Variants in FMN2 observed in about 807,000 individuals in gnomAD.
FMN2 encodes formin 2.
FMN2 carries 51 observed loss-of-function variants against 142.3 expected under a neutral mutation model. The observed-to-expected ratio is 0.36, with a 90% CI of 0.29 to 0.45. FMN2 has a LOEUF of 0.45. Ranked by LOEUF, FMN2 falls within the 20% of genes least tolerant of loss-of-function variation. The pLI, the probability that FMN2 is intolerant of heterozygous loss-of-function variation, is 1.00. For synonymous variants in FMN2, 882 were observed against 869.8 expected (o/e 1.01, Z -0.25); for missense variants, 1,936 against 2,122.8 (o/e 0.91, Z 1.73).
At chr1:240,137,956 C>T (rs368778179) in intron 2 of FMN2, among the ~76,000 whole-genome samples, 12 of 148,726 alleles carry the variant, frequency 8.1e-5, no homozygotes, top group East Asian at 2.0e-4. Flanking sequence ...CGGGTGCAGT[C>T]GTGTGCGCTG....
chr1:240,097,944 T>C (rs954606718), intron 1 of FMN2, among the ~76,000 whole-genome samples: 11 of 152,112 alleles, frequency 7.2e-5, no homozygotes, highest in African/African-American at 2.4e-4. Flanking sequence ...ATCCAGGATA[T>C]GTCCTTAGAA....
intron 16 of FMN2, chr1:240,457,513 A>AGG (rs1186695556): frequency 6.6e-6 from 1 of 152,240 alleles, no homozygotes; most frequent in Non-Finnish European, 1.5e-5. Context: ...ACATTATAGA[A>AGG]GGGAGGTCCA....
intron 2 of FMN2, among the ~76,000 whole-genome samples, chr1:240,154,321 G>A (rs12039367): frequency 0.094 from 14,287 of 152,036 alleles, 869 homozygotes; most frequent in African/African-American, 0.17. Context: ...ATAAACACCC[G>A]TGTAAGTGGA....
rs1199922424 is a variant in FMN2 at position 240,293,190 on chromosome 1, T to C, written c.4154-1632T>C. Among the ~76,000 whole-genome samples, 4 of 152,248 alleles carry C rather than the reference T, an allele frequency of 2.6e-5. No homozygotes were observed. The East Asian group carries it at 7.7e-4, about 29-fold the overall frequency. On this transcript the variant is annotated intron_variant, in intron 7 of 17. Transcript: ENST00000319653. Reference sequence around the variant, plus strand: ...ATGTGGGGAAAACTTGTGGGTATAATAGTATGGTTTAAAATGATGGATAAA... The same window carrying C: ...ATGTGGGGAAAACTTGTGGGTATAACAGTATGGTTTAAAATGATGGATAAA...
chr1:240,357,809 C>G (rs1672325061), intron 14 of FMN2, among the ~76,000 whole-genome samples: 2 of 152,122 alleles, frequency 1.3e-5, no homozygotes, highest in South Asian at 4.1e-4. Context: ...GGTTTTCACT[C>G]TGTTGGCCAG....
chr1:240,449,386 T>C (rs1046625552), intron 16 of FMN2, among the ~76,000 whole-genome samples: 2 of 152,148 alleles, frequency 1.3e-5, no homozygotes, highest in Admixed American at 6.5e-5. Flanking sequence ...CCATACAAGG[T>C]TGGCCTTAGA....
At chr1:240,329,593 C>G (rs1671310991) in intron 10 of FMN2, 125 bp downstream of exon 10, 1 of 1,265,300 alleles carries the variant, frequency 7.9e-7, no homozygotes, top group African/African-American at 1.5e-5. Context: ...GATCGCAGTC[C>G]CACAGAAGGG....
intron 16 of FMN2, among the ~76,000 whole-genome samples, chr1:240,447,936 C>A (rs1256719322): frequency 6.6e-6 from 1 of 152,204 alleles, no homozygotes; most frequent in Non-Finnish European, 1.5e-5. Flanking sequence ...ATTAGAGTTG[C>A]ATCAGAGTTC....
At chr1:240,139,832 A>T (rs1663103889) in intron 2 of FMN2, among the ~76,000 whole-genome samples, 1 of 152,090 alleles carries the variant, frequency 6.6e-6, no homozygotes, top group South Asian at 2.1e-4. Flanking sequence ...AGGTAGATGT[A>T]TCGGAAGGTT....
chr1:240,123,924 TTGTCCTGTTTGTGGCTG>T (rs1276130935), intron 2 of FMN2, among the ~76,000 whole-genome samples: 1 of 152,254 alleles, frequency 6.6e-6, no homozygotes, highest in Non-Finnish European at 1.5e-5. Context: ...TATACAGTAT[TTGTCCTGTTTGTGGCTG>T]ACTTATTTCA....
intron 8 of FMN2, among the ~76,000 whole-genome samples, chr1:240,322,747 G>A (rs1671017184): frequency 6.6e-6 from 1 of 152,156 alleles, no homozygotes; most frequent in African/African-American, 2.4e-5. Context: ...AAGCACTGTT[G>A]TTCCGTGTCA....
At chr1:240,174,628 A>G (rs2103317318) in intron 2 of FMN2, among the ~76,000 whole-genome samples, 1 of 152,222 alleles carries the variant, frequency 6.6e-6, no homozygotes, top group South Asian at 2.1e-4. Context: ...TGCCTCCCAA[A>G]GTGCTGGGAT....
intron 8 of FMN2, among the ~76,000 whole-genome samples, chr1:240,320,553 T>C (rs75878961): frequency 1.3e-5 from 2 of 152,060 alleles, no homozygotes; most frequent in Non-Finnish European, 2.9e-5. Flanking sequence ...AGAGGAAATG[T>C]TTTGTTTAGT....
chr1:240,264,215 G>A (rs1024103019), intron 7 of FMN2, among the ~76,000 whole-genome samples: 3 of 152,030 alleles, frequency 2.0e-5, no homozygotes, highest in Non-Finnish European at 2.9e-5. Flanking sequence ...ATCATGTCAT[G>A]TTGCTGCTGT....
At chr1:240,251,343 A>G (rs1668273467) in intron 6 of FMN2, among the ~76,000 whole-genome samples, 1 of 152,018 alleles carries the variant, frequency 6.6e-6, no homozygotes, top group Non-Finnish European at 1.5e-5. Context: ...GTAGTCATTG[A>G]GGAGCAGGTT....
chr1:240,094,855 T>C (rs1208306527), intron 1 of FMN2, among the ~76,000 whole-genome samples: 2 of 152,202 alleles, frequency 1.3e-5, no homozygotes, highest in East Asian at 3.8e-4. Flanking sequence ...GACAGCGACT[T>C]CTTAGTTGAC....
chr1:240,209,553 C>T (rs1666601607), intron 5 of FMN2, among the ~76,000 whole-genome samples: 3 of 150,942 alleles, frequency 2.0e-5, no homozygotes, highest in Non-Finnish European at 4.4e-5. Flanking sequence ...CGGGCACGGC[C>T]GCAAATCAAA....
intron 6 of FMN2, among the ~76,000 whole-genome samples, chr1:240,227,469 C>T (rs1667351148): frequency 6.6e-6 from 1 of 151,920 alleles, no homozygotes; most frequent in Non-Finnish European, 1.5e-5. Flanking sequence ...TAAAAATTCA[C>T]GTGAAAAATG....
intron 6 of FMN2, among the ~76,000 whole-genome samples, chr1:240,254,195 A>AG (rs1425254561): frequency 6.6e-6 from 1 of 152,050 alleles, no homozygotes; most frequent in African/African-American, 2.4e-5. Flanking sequence ...AGTAGTGGTG[A>AG]GACAAGCCTT....
Sources: gnomAD v4.1 joint callset for allele counts (sites outside exome capture counted in the v4.1 genomes callset) on GRCh38, gnomAD v4.1.1 for gene constraint, MANE v1.5 for transcripts, NCBI Gene and HGNC (gene_info 2026-07-23, HGNC 2026-07-21) for gene names.